The following PCDHB11 variants were observed in gnomAD, a reference collection of about 807,000 sequenced individuals.
PCDHB11 encodes protocadherin beta-11.
For synonymous variants in PCDHB11, 522 were observed against 442.0 expected (o/e 1.18, Z -2.27); for missense variants, 1,151 against 1,003.4 (o/e 1.15, Z -1.99).
rs1314469568 is a variant in PCDHB11 at position 141,202,322 on chromosome 5, C to T, written c.*154C>T. Reference sequence around the variant, plus strand: ...CCCAATTTTTTTTTTTTTTTTGAGACCGAGTCTCATTCTGTCGCCCTGGCT... The same window carrying T: ...CCCAATTTTTTTTTTTTTTTTGAGATCGAGTCTCATTCTGTCGCCCTGGCT... On this transcript the variant is annotated 3_prime_UTR_variant, in exon 1 of 1. Coordinates refer to ENST00000354757, the MANE Select transcript of PCDHB11 (RefSeq NM_018931.3). The T allele has an allele frequency of 2.4e-5, 16 of 672,204 alleles. No homozygotes were observed. The highest frequency in any genetic ancestry group is 3.5e-5 in the Non-Finnish European group (15 of 425,966). 41.6% of individuals were successfully genotyped at this position (672,204 alleles called of 1,614,324 possible).
In PCDHB11 at chr5:141,200,079, G is replaced by T. The variant is rs781872693; in HGVS notation, c.305G>T (p.Cys102Phe). ...REELCGSIEP[C>F]VLHLQVLMQN... ...GAGCTCTGCGGTTCCATCGAGCCTT[G>T]CGTGCTACATTTGCAGGTGTTAATG... is the stretch of plus-strand genomic sequence containing the variant. Residue 102 changes from cysteine to phenylalanine, a missense_variant, in exon 1 of 1, where the codon TGC (cysteine) becomes TTC (phenylalanine). By Grantham distance (205) the Cys-to-Phe change is radical. Coordinates refer to ENST00000354757, the MANE Select transcript of PCDHB11 (RefSeq NM_018931.3). 6.2e-7 allele frequency: 1 copy of T among 1,614,112 alleles called. No homozygotes were observed. Among genetic ancestry groups the T allele is most frequent in the Admixed American group, 1.7e-5 (1 of 59,992 alleles).
rs782292683 is a variant in PCDHB11 at position 141,200,517 on chromosome 5, A to T, written c.743A>T (p.Glu248Val). ...CCTGAATTTGAGCAGGCTTTTTATG[A>T]GGTGAAGATTCGGGAGAATAGCATC... is the stretch of plus-strand genomic sequence containing the variant. ...NSPEFEQAFY[E>V]VKIRENSILG... Residue 248 changes from glutamate to valine, a missense_variant, in exon 1 of 1, where the codon GAG (glutamate) becomes GTG (valine). By Grantham distance (121) the Glu-to-Val change is moderately radical (BLOSUM62 -2). Transcript: ENST00000354757. 2.5e-6 allele frequency: 4 copies of T among 1,614,134 alleles called. No homozygotes were observed. The highest frequency in any genetic ancestry group is 3.4e-6 in the Non-Finnish European group (4 of 1,180,028).
At position 141,200,830 on chromosome 5, in the gene PCDHB11, T is replaced by C. The variant is rs1410219794; in HGVS notation, c.1056T>C (p.Ile352=). The C allele has an allele frequency of 1.2e-6, 2 of 1,614,180 alleles. No individual in the cohort carries two copies. Among genetic ancestry groups the C allele is most frequent in the Non-Finnish European group, 1.7e-6 (2 of 1,180,026 alleles). ...CTCCTGAAATCACTGTGTCATCAAT[T>C]ACCAGTCCAATCCCAGAAAATACGC... ...DNAPEITVSS[I]TSPIPENTPE... is the part of the protein sequence containing the mutation. The change falls in exon 1 of 1, where the codon ATT becomes ATC. Residue 352 remains isoleucine, a synonymous_variant. Transcript: ENST00000354757.
rs1554285225 is a variant in PCDHB11 at position 141,200,172 on chromosome 5, TC to T, written c.399del (p.Ser134ArgfsTer7). 7 of 1,613,990 alleles carry T rather than the reference TC, an allele frequency of 4.3e-6. No individual in the cohort carries two copies. Among genetic ancestry groups the T allele is most frequent in the Non-Finnish European group, 5.9e-6 (7 of 1,180,048 alleles). ...GATATAAATGATCACTCTCCCATCT[TC>T]TCGGAAAAACAAATGCTCCTAGAAA... The part of the protein sequence containing the change: ...VRDINDHSPI[F>X]SEKQMLLEIP... On this transcript the variant is annotated frameshift_variant, in exon 1 of 1. Transcript: ENST00000354757. LOFTEE classifies it low-confidence loss of function (END_TRUNC).
In PCDHB11 at chr5:141,202,264, G is replaced by C; in HGVS notation, c.*96G>C. On this transcript the variant is annotated 3_prime_UTR_variant, in exon 1 of 1. Transcript: ENST00000354757. ...AACTAGTTACGTTATTATGCAATAC[G>C]ACTAATTGTATTTTTAATTTTTTCT... 9.0e-7 allele frequency: 1 copy of C among 1,116,880 alleles called. No individual in the cohort carries two copies. The highest frequency in any genetic ancestry group is 1.8e-5 in the South Asian group (1 of 54,854). The allele number at this position is 1,116,880 out of a possible 1,614,324, so 69.2% of individuals were successfully genotyped here.
chr5:141,202,366 C>T lies in PCDHB11; in HGVS notation c.*198C>T. ...CCTGGCTGGAGTGCAATGGTGTGATCTCAGCTCACTGCACCCTCCGCCTCT... is the reference window on the plus strand; with the variant it reads ...CCTGGCTGGAGTGCAATGGTGTGATTTCAGCTCACTGCACCCTCCGCCTCT... On this transcript the variant is annotated 3_prime_UTR_variant, in exon 1 of 1. Coordinates refer to ENST00000354757, the MANE Select transcript of PCDHB11 (RefSeq NM_018931.3). 1 of 493,334 alleles carries T rather than the reference C, an allele frequency of 2.0e-6. No individual in the cohort carries two copies. Among genetic ancestry groups the T allele is most frequent in the Non-Finnish European group, 3.5e-6 (1 of 289,828 alleles). 30.6% of individuals were successfully genotyped at this position (493,334 alleles called of 1,614,324 possible).
Position 141,201,014 on chromosome 5 carries a change from A to C in PCDHB11, c.1240A>C (p.Thr414Pro), listed in dbSNP as rs1554285458. ...ETERPLDRES[T>P]AEYNITITVT... is the part of the protein sequence containing the mutation. ...AGAGAGACCACTGGACAGAGAGAGC[A>C]CAGCCGAGTACAATATCACCATCAC... Residue 414 changes from threonine (T) to proline (P), a missense_variant, in exon 1 of 1, where the codon ACA (threonine) becomes CCA (proline). Coordinates refer to ENST00000354757, the MANE Select transcript of PCDHB11 (RefSeq NM_018931.3). The C allele has an allele frequency of 6.2e-7, 1 of 1,614,110 alleles. No individual in the cohort carries two copies. The highest frequency in any genetic ancestry group is 8.5e-7 in the Non-Finnish European group (1 of 1,180,056).
At position 141,200,081 on chromosome 5, in the gene PCDHB11, G is replaced by T; in HGVS notation, c.307G>T (p.Val103Leu). The T allele has an allele frequency of 6.2e-7, 1 of 1,614,126 alleles. No individual in the cohort carries two copies. Among genetic ancestry groups the T allele is most frequent in the Non-Finnish European group, 8.5e-7 (1 of 1,180,034 alleles). The stretch of plus-strand genomic sequence containing the variant: ...GCTCTGCGGTTCCATCGAGCCTTGC[G>T]TGCTACATTTGCAGGTGTTAATGCA... ...EELCGSIEPCVLHLQVLMQNP... is the reference protein window; with the variant it reads ...EELCGSIEPCLLHLQVLMQNP... Residue 103 changes from valine to leucine, a missense_variant, in exon 1 of 1, where the codon GTG (valine) becomes TTG (leucine). Val to Leu is a conservative substitution (Grantham distance 32). Transcript: ENST00000354757.
chr5:141,199,732 C>T lies in PCDHB11; in HGVS notation c.-43C>T. On this transcript the variant is annotated 5_prime_UTR_variant, in exon 1 of 1. Transcript: ENST00000354757. The stretch of plus-strand genomic sequence containing the variant: ...GTGGACAAGTCAGAGACGCGTTCCG[C>T]AGAGCTGAAGCCTTTCTTCAAGAAG... 6.4e-7 allele frequency: 1 copy of T among 1,559,514 alleles called. No homozygotes were observed. Among genetic ancestry groups the T allele is most frequent in the Non-Finnish European group, 8.8e-7 (1 of 1,142,774 alleles).
rs1554285711 is a variant in PCDHB11, at chr5:141,201,811, C to T, written c.2037C>T (p.Ala679=). ...PYLPLPEAAP[A]QAQADSLTVY... ...TGCCGCTCCCTGAGGCGGCACCGGC[C>T]CAGGCCCAGGCCGACTCGCTCACCG... The change falls in exon 1 of 1, where the codon GCC becomes GCT. Residue 679 remains alanine, a synonymous_variant. Transcript: ENST00000354757. 7.5e-6 allele frequency: 12 copies of T among 1,610,306 alleles called. No individual in the cohort carries two copies. The highest frequency in any genetic ancestry group is 2.0e-4 in the Middle Eastern group (1 of 4,900).
chr5:141,202,339 GC>G lies in PCDHB11; in HGVS notation c.*174del. The G allele has an allele frequency of 1.6e-6, 1 of 610,440 alleles. No homozygotes were observed. The highest frequency in any genetic ancestry group is 2.6e-6 in the Non-Finnish European group (1 of 380,978). The allele number at this position is 610,440 out of a possible 1,614,324, so 37.8% of individuals were successfully genotyped here. The stretch of plus-strand genomic sequence containing the variant: ...TTTTGAGACCGAGTCTCATTCTGTC[GC>G]CCTGGCTGGAGTGCAATGGTGTGAT... On this transcript the variant is annotated 3_prime_UTR_variant, in exon 1 of 1. Transcript: ENST00000354757.
At position 141,201,154 on chromosome 5, in the gene PCDHB11, C is replaced by T. The variant is rs782569978; in HGVS notation, c.1380C>T (p.Val460=). The T allele has an allele frequency of 1.9e-6, 3 of 1,613,700 alleles. No homozygotes were observed. In the African/African-American group the frequency reaches 4.0e-5, roughly 22 times the overall value. ...TFTQTSYTLF[V]RENNSPALHI... The stretch of plus-strand genomic sequence containing the variant: ...CCCAAACCTCCTACACCCTGTTCGT[C>T]CGCGAGAACAACAGCCCCGCCCTGC... The change falls in exon 1 of 1, where the codon GTC becomes GTT. Residue 460 remains valine (V), a synonymous_variant. Coordinates refer to ENST00000354757, the MANE Select transcript of PCDHB11 (RefSeq NM_018931.3).
chr5:141,200,515 T>A lies in PCDHB11; in HGVS notation c.741T>A (p.Tyr247Ter), dbSNP rs782385493. The change falls in exon 1 of 1, where the codon TAT becomes TAA. Residue 247 changes from tyrosine (Y) to a stop codon, truncating the protein, a stop_gained. Coordinates refer to ENST00000354757, the MANE Select transcript of PCDHB11 (RefSeq NM_018931.3). LOFTEE classifies it low-confidence loss of function (END_TRUNC). ...DNSPEFEQAF[Y>*]EVKIRENSIL... is the part of the protein sequence containing the mutation. ...CCCCTGAATTTGAGCAGGCTTTTTA[T>A]GAGGTGAAGATTCGGGAGAATAGCA... 1.2e-6 allele frequency: 2 copies of A among 1,614,178 alleles called. No individual in the cohort carries two copies. The highest frequency in any genetic ancestry group is 2.7e-5 in the African/African-American group (2 of 75,042).
In PCDHB11 at chr5:141,201,323, A is replaced by T. The variant is rs1554285564; in HGVS notation, c.1549A>T (p.Arg517Trp). ...NTDNGHLFAL[R>W]SLDYEALQAF... ...AGACAACGGCCACCTGTTCGCCCTC[A>T]GGTCGCTGGACTACGAGGCCCTGCA... is the stretch of plus-strand genomic sequence containing the variant. The change falls in exon 1 of 1, where the codon AGG becomes TGG. Residue 517 changes from arginine to tryptophan, a missense_variant. By Grantham distance (101) the Arg-to-Trp change is moderately radical (BLOSUM62 -3). Coordinates refer to ENST00000354757, the MANE Select transcript of PCDHB11 (RefSeq NM_018931.3). The T allele has an allele frequency of 1.2e-6, 2 of 1,613,512 alleles. No individual in the cohort carries two copies. Among genetic ancestry groups the T allele is most frequent in the Admixed American group, 1.7e-5 (1 of 60,016 alleles).
Position 141,202,300 on chromosome 5 carries a change from A to AC in PCDHB11, c.*132_*133insC. On this transcript the variant is annotated 3_prime_UTR_variant, in exon 1 of 1. Coordinates refer to ENST00000354757, the MANE Select transcript of PCDHB11 (RefSeq NM_018931.3). ...TTTTTAATTTTTTCTTTTCTCCCCC[A>AC]ATTTTTTTTTTTTTTTTGAGACCGA... The AC allele has an allele frequency of 2.4e-6, 2 of 843,386 alleles. No individual in the cohort carries two copies. The highest frequency in any genetic ancestry group is 2.5e-5 in the South Asian group (1 of 40,420). The allele number at this position is 843,386 out of a possible 1,614,324, so 52.2% of individuals were successfully genotyped here.
At position 141,201,166 on chromosome 5, in the gene PCDHB11, C is replaced by T. The variant is rs782259851; in HGVS notation, c.1392C>T (p.Asn464=). The change falls in exon 1 of 1, where the codon AAC becomes AAT. Residue 464 remains asparagine, a synonymous_variant. Coordinates refer to ENST00000354757, the MANE Select transcript of PCDHB11 (RefSeq NM_018931.3). ...ACACCCTGTTCGTCCGCGAGAACAA[C>T]AGCCCCGCCCTGCACATCGGCAGTG... The part of the protein sequence containing the change: ...TSYTLFVREN[N]SPALHIGSVS... 3 of 1,613,598 alleles carry T rather than the reference C, an allele frequency of 1.9e-6. No homozygotes were observed. In the East Asian group the frequency reaches 6.7e-5, roughly 36 times the overall value.
rs1225033513 is a variant in PCDHB11, at chr5:141,200,889, A to T, written c.1115A>T (p.Asp372Val). ...ETVVMVFSIQ[D>V]IDSGDNGRIV... ...GTGGTTATGGTTTTTAGTATCCAAG[A>T]TATAGACTCTGGGGACAACGGAAGA... The change falls in exon 1 of 1, where the codon GAT becomes GTT. Residue 372 changes from aspartate to valine, a missense_variant. Asp to Val is a radical substitution (Grantham distance 152, BLOSUM62 -3). Coordinates refer to ENST00000354757, the MANE Select transcript of PCDHB11 (RefSeq NM_018931.3). 4.3e-6 allele frequency: 7 copies of T among 1,614,102 alleles called. No individual in the cohort carries two copies. The African/African-American group carries it at 9.3e-5, about 22-fold the overall frequency.
In PCDHB11 at chr5:141,199,774, T is replaced by C. The variant is rs1554285128; in HGVS notation, c.-1T>C. The C allele has an allele frequency of 1.2e-6, 2 of 1,613,100 alleles. No individual in the cohort carries two copies. Among genetic ancestry groups the C allele is most frequent in the Admixed American group, 3.3e-5 (2 of 59,864 alleles). ...TTCAAGAAGCCTACAAGAAAGGAAC[T>C]ATGGAGAACCAAGGGACACGCACTC... On this transcript the variant is annotated 5_prime_UTR_variant, in exon 1 of 1. Transcript: ENST00000354757.
At position 141,200,200 on chromosome 5, in the gene PCDHB11, C is replaced by T. The variant is rs782360863; in HGVS notation, c.426C>T (p.Ile142=). 3 of 1,614,132 alleles carry T rather than the reference C, an allele frequency of 1.9e-6. No homozygotes were observed. The highest frequency in any genetic ancestry group is 8.5e-7 in the Non-Finnish European group (1 of 1,180,024). The change falls in exon 1 of 1, where the codon ATC becomes ATT. Residue 142 remains isoleucine, a synonymous_variant. Transcript: ENST00000354757. The part of the protein sequence containing the change: ...IFSEKQMLLE[I]PENSPVGAVF... ...CGGAAAAACAAATGCTCCTAGAAATCCCAGAGAACAGTCCCGTTGGTGCTG... is the reference window on the plus strand; with the variant it reads ...CGGAAAAACAAATGCTCCTAGAAATTCCAGAGAACAGTCCCGTTGGTGCTG...
Sources: allele counts gnomAD v4.1 joint callset, GRCh38; gene constraint gnomAD v4.1.1; transcripts MANE v1.5; gene names NCBI Gene and HGNC (gene_info 2026-07-23, HGNC 2026-07-21).